BAZ2B: variants seen among roughly 807,000 people sequenced by gnomAD.
BAZ2B encodes the protein bromodomain adjacent to zinc finger domain protein 2B.
BAZ2B carries 91 observed loss-of-function variants against 246.0 expected under a neutral mutation model. The observed-to-expected ratio is 0.37, with a 90% confidence interval of 0.31 to 0.44. The LOEUF is 0.44. Among genes scored for constraint, BAZ2B ranks in the 20% least tolerant of loss-of-function variants. BAZ2B has a pLI of 1.00. For synonymous variants in BAZ2B, 855 were observed against 860.0 expected, an observed-to-expected ratio of 0.99 and a Z score of 0.10; for missense variants, 2,332 against 2,533.7, an observed-to-expected ratio of 0.92 and a Z score of 1.71.
chr2:159,619,214 C>T (rs1696330784), upstream of BAZ2B, among the ~76,000 whole-genome samples: 1 of 151,808 alleles, frequency 6.6e-6, no homozygotes, highest in Admixed American at 6.6e-5. Context: ...TATGTATATG[C>T]AATTTCAAGC....
intron 13 of BAZ2B, among the ~76,000 whole-genome samples, chr2:159,425,802 C>T (rs1382628618): frequency 6.6e-6 from 1 of 152,102 alleles, no homozygotes; most frequent in African/African-American, 2.4e-5. Flanking sequence ...ATTACTATAA[C>T]AAAATTATAT....
intron 16 of BAZ2B, among the ~76,000 whole-genome samples, chr2:159,401,685 A>G (rs1426474860): frequency 6.6e-6 from 1 of 152,184 alleles, no homozygotes; most frequent in African/African-American, 2.4e-5. Flanking sequence ...TGAACTGGTT[A>G]TTGGATATGT....
intron 4 of BAZ2B, 140 bp downstream of exon 4, chr2:159,453,473 T>C (rs2075346424): frequency 2.0e-6 from 2 of 976,102 alleles, no homozygotes; most frequent in Non-Finnish European, 1.4e-6. Context: ...ACATGATAAA[T>C]AGGATTAAGC....
At chr2:159,661,206 T>C in the BAZ2B span, among the ~76,000 whole-genome samples, 1 of 152,218 alleles carries the variant, frequency 6.6e-6, no homozygotes, top group Non-Finnish European at 1.5e-5. Context: ...TATTCCCTTT[T>C]TGTGTGGGTT....
chr2:159,621,703 A>G, the BAZ2B span, among the ~76,000 whole-genome samples: 7 of 152,204 alleles, frequency 4.6e-5, no homozygotes, highest in African/African-American at 1.7e-4. Flanking sequence ...CACACATGGT[A>G]GTTCATGCCT....
the BAZ2B span, among the ~76,000 whole-genome samples, chr2:159,644,367 T>C: frequency 6.6e-6 from 1 of 152,190 alleles, no homozygotes; most frequent in African/African-American, 2.4e-5. Context: ...ATAAGTGTGT[T>C]TGGCTTGATA....
intron 3 of BAZ2B, chr2:159,460,246 A>C (rs2150578961): frequency 6.6e-6 from 1 of 152,198 alleles, no homozygotes; most frequent in South Asian, 2.1e-4. Context: ...AGAATAATTC[A>C]ACAAGGTTTT....
At chr2:159,533,712 T>C (rs2085617160) in intron 2 of BAZ2B, among the ~76,000 whole-genome samples, 1 of 152,198 alleles carries the variant, frequency 6.6e-6, no homozygotes, top group African/African-American at 2.4e-5. Context: ...AATCAGAGAT[T>C]TCAGAATTAA....
At position 159,402,872 on chromosome 2, in the gene BAZ2B, C is replaced by T. The variant is rs7559439; in HGVS notation, c.2832+1977G>A. Among the ~76,000 whole-genome samples, 678 of 152,128 alleles carry T rather than the reference C, an allele frequency of 4.5e-3. 4 individuals carry two copies. The highest frequency in any genetic ancestry group is 0.015 in the African/African-American group (640 of 41,486). ...AATGTTGAGTACTCAGCCACTGAGC[C>T]GGTCACTTTACATTTAATATCTTGT... On this transcript the variant is annotated intron_variant, in intron 16 of 36. Coordinates refer to ENST00000392783, the MANE Select transcript of BAZ2B (RefSeq NM_013450.4).
the BAZ2B span, among the ~76,000 whole-genome samples, chr2:159,668,905 A>T: frequency 1.3e-5 from 2 of 152,076 alleles, no homozygotes; most frequent in Admixed American, 6.6e-5. Flanking sequence ...AAAATACAAA[A>T]ATTAGCCGGG....
the BAZ2B span, among the ~76,000 whole-genome samples, chr2:159,657,648 T>C: frequency 2.0e-5 from 3 of 152,230 alleles, no homozygotes; most frequent in African/African-American, 4.8e-5. Flanking sequence ...CAGAGTTTTA[T>C]AGTTTTCCTC....
the BAZ2B span, among the ~76,000 whole-genome samples, chr2:159,630,964 T>C: frequency 2.0e-5 from 3 of 152,114 alleles, no homozygotes; most frequent in Admixed American, 6.5e-5. Context: ...GAGGCCCAAG[T>C]AGGAGGATTG....
chr2:159,378,876 T>C (rs2061686434), intron 25 of BAZ2B, among the ~76,000 whole-genome samples: 1 of 152,042 alleles, frequency 6.6e-6, no homozygotes, highest in African/African-American at 2.4e-5. Context: ...GATTGTAAAA[T>C]AGTGTTACAC....
chr2:159,407,173 G>GA (rs1218992849), intron 14 of BAZ2B, among the ~76,000 whole-genome samples: 1 of 151,310 alleles, frequency 6.6e-6, no homozygotes, highest in African/African-American at 2.4e-5. Flanking sequence ...GCATAGCCAA[G>GA]AAAAAAACCC....
At chr2:159,359,062 C>G (rs2059409974) in intron 27 of BAZ2B, among the ~76,000 whole-genome samples, 1 of 152,198 alleles carries the variant, frequency 6.6e-6, no homozygotes, top group East Asian at 1.9e-4. Context: ...GAGGCAAGAG[C>G]AAACACATTC....
intron 2 of BAZ2B, among the ~76,000 whole-genome samples, chr2:159,491,720 C>CAAAAAGAAAAAAAAA (rs2080511080): frequency 3.4e-5 from 1 of 29,558 alleles, no homozygotes; most frequent in Non-Finnish European, 5.1e-5. Context: ...GACTCCGTCT[C>CAAAAAGAAAAAAAAA]AAAAAAAAAA....
intron 2 of BAZ2B, among the ~76,000 whole-genome samples, chr2:159,511,914 A>G (rs191277404): frequency 4.5e-4 from 68 of 152,322 alleles, no homozygotes; most frequent in African/African-American, 1.6e-3. Flanking sequence ...TTAAGTCATG[A>G]TAATAAAATA....
At chr2:159,407,974 G>T (rs1337978368) in intron 14 of BAZ2B, among the ~76,000 whole-genome samples, 1 of 152,126 alleles carries the variant, frequency 6.6e-6, no homozygotes, top group Non-Finnish European at 1.5e-5. Flanking sequence ...TACAATAGAG[G>T]CCTGACTTTG....
chr2:159,644,084 A>C, the BAZ2B span, among the ~76,000 whole-genome samples: 2 of 152,180 alleles, frequency 1.3e-5, no homozygotes, highest in African/African-American at 4.8e-5. Context: ...ACTACAGAGC[A>C]AGACCCCATC....
Sources: gnomAD v4.1 joint callset for allele counts (sites outside exome capture counted in the v4.1 genomes callset) on GRCh38, gnomAD v4.1.1 for gene constraint, MANE v1.5 for transcripts, NCBI Gene and HGNC (gene_info 2026-07-23, HGNC 2026-07-21) for gene names.